Variants in RALYL observed in about 807,000 individuals in gnomAD.
RALYL encodes the protein RALY RNA binding protein like.
In RALYL, 29 loss-of-function variants were observed where a neutral mutation model predicts 35.1. The observed-to-expected ratio is 0.83, with a 90% CI of 0.61 to 1.13. The LOEUF (loss-of-function observed/expected upper bound fraction) is 1.13, where lower values mean the gene tolerates loss of function less well. Among genes scored for constraint, RALYL ranks in the 50% most tolerant of loss-of-function variants. The pLI is 0.00. For synonymous variants in RALYL, 120 were observed against 127.6 expected (o/e 0.94, Z 0.40); for missense variants, 359 against 360.4 (o/e 1.00, Z 0.03).
chr8:84,296,081 TC>T (rs1839690711), intron 1 of RALYL, among the ~76,000 whole-genome samples: 1 of 152,086 alleles, frequency 6.6e-6, no homozygotes, highest in Admixed American at 6.6e-5. Context: ...TTCTGCACCA[TC>T]CTAATAGGTA....
At chr8:84,773,243 C>T (rs1417436667) in intron 2 of RALYL, among the ~76,000 whole-genome samples, 3 of 152,104 alleles carry the variant, frequency 2.0e-5, no homozygotes, top group Non-Finnish European at 2.9e-5. Context: ...TCTTCAAATC[C>T]CTTACTTTCT....
chr8:84,203,013 T>C (rs994999579), intron 1 of RALYL, among the ~76,000 whole-genome samples: 14 of 152,088 alleles, frequency 9.2e-5, no homozygotes, highest in Admixed American at 5.9e-4. Flanking sequence ...CAGTCCCTCA[T>C]GTAGTTGTAA....
chr8:84,487,258 A>G (rs2054745071), intron 1 of RALYL, among the ~76,000 whole-genome samples: 1 of 152,090 alleles, frequency 6.6e-6, no homozygotes, highest in Non-Finnish European at 1.5e-5. Flanking sequence ...TTTTTTCAGA[A>G]AAATAATTTT....
chr8:84,428,104 T>TCACACACACACA (rs769786577), intron 1 of RALYL, among the ~76,000 whole-genome samples: 5 of 131,816 alleles, frequency 3.8e-5, no homozygotes, highest in East Asian at 2.1e-4. Flanking sequence ...TCTCTCTCTC[T>TCACACACACACA]CTCACACACA....
chr8:84,794,796 G>C (rs1053868834), intron 3 of RALYL, among the ~76,000 whole-genome samples: 14 of 152,122 alleles, frequency 9.2e-5, no homozygotes, highest in African/African-American at 2.9e-4. Flanking sequence ...TTGCCAGGAG[G>C]TTCTTTATCC....
At chr8:84,871,531 C>T (rs1284915936) in intron 6 of RALYL, among the ~76,000 whole-genome samples, 1 of 152,062 alleles carries the variant, frequency 6.6e-6, no homozygotes. Context: ...GGAATGAGTA[C>T]CACTCTTCAA....
intron 1 of RALYL, among the ~76,000 whole-genome samples, chr8:84,449,539 G>T (rs2049225120): frequency 6.6e-6 from 1 of 151,906 alleles, no homozygotes; most frequent in Non-Finnish European, 1.5e-5. Context: ...TTCATATAGT[G>T]GTTCCCAATC....
At chr8:84,403,082 T>A (rs182701327) in intron 1 of RALYL, among the ~76,000 whole-genome samples, 1 of 152,180 alleles carries the variant, frequency 6.6e-6, no homozygotes, top group Admixed American at 6.5e-5. Flanking sequence ...GATGGATAGA[T>A]TGCAAAAATT....
chr8:84,700,299 C>T (rs1839956330), intron 2 of RALYL, among the ~76,000 whole-genome samples: 1 of 151,972 alleles, frequency 6.6e-6, no homozygotes, highest in Non-Finnish European at 1.5e-5. Flanking sequence ...CTGTTTAATA[C>T]ATGTAAGTAT....
chr8:84,387,951 G>A (rs137967331), intron 1 of RALYL, among the ~76,000 whole-genome samples: 4,292 of 151,820 alleles, frequency 0.028, 195 homozygotes, highest in African/African-American at 0.098. Flanking sequence ...CCACTAACTC[G>A]TCATCTAGCA....
intron 8 of RALYL, among the ~76,000 whole-genome samples, chr8:84,895,451 A>C (rs923389208): frequency 6.6e-6 from 1 of 151,620 alleles, no homozygotes; most frequent in Admixed American, 6.6e-5. Flanking sequence ...AACTTTGCCA[A>C]GTCTTTCCGT....
At chr8:84,915,074 C>T (rs182902139) in intron 8 of RALYL, among the ~76,000 whole-genome samples, 1 of 152,130 alleles carries the variant, frequency 6.6e-6, no homozygotes, top group East Asian at 1.9e-4. Context: ...ACCTACCTCA[C>T]TGATTTATAA....
At chr8:84,570,292 C>A (rs150805162) in intron 2 of RALYL, among the ~76,000 whole-genome samples, 2 of 151,308 alleles carry the variant, frequency 1.3e-5, no homozygotes, top group African/African-American at 4.8e-5. Context: ...TTGTATGAAT[C>A]TTTCACCTAG....
intron 8 of RALYL, among the ~76,000 whole-genome samples, chr8:84,914,581 A>ACATT (rs10688017): frequency 0.016 from 2,498 of 152,106 alleles, 66 homozygotes; most frequent in African/African-American, 0.056. Flanking sequence ...AATTTTTTGA[A>ACATT]TAATTAAATT....
chr8:84,463,318 T>C (rs897312511), intron 1 of RALYL, among the ~76,000 whole-genome samples: 1 of 152,032 alleles, frequency 6.6e-6, no homozygotes, highest in Admixed American at 6.6e-5. Flanking sequence ...TGTATTAAGC[T>C]TTAAATCACT....
At chr8:84,884,492 CAT>C (rs1842657770) in intron 7 of RALYL, among the ~76,000 whole-genome samples, 1 of 140,580 alleles carries the variant, frequency 7.1e-6, no homozygotes, top group Admixed American at 7.1e-5. Flanking sequence ...ATTATATATA[CAT>C]ATACACACAA....
At chr8:84,895,820 C>T (rs1208296321) in intron 8 of RALYL, among the ~76,000 whole-genome samples, 1 of 152,042 alleles carries the variant, frequency 6.6e-6, no homozygotes, top group African/African-American at 2.4e-5. Context: ...CCTGTATTTT[C>T]TGTTTTATTG....
At chr8:84,509,046 C>G (rs2057398913) in intron 1 of RALYL, among the ~76,000 whole-genome samples, 1 of 151,956 alleles carries the variant, frequency 6.6e-6, no homozygotes, top group Non-Finnish European at 1.5e-5. Context: ...AAAAAATGTA[C>G]AAAGCATGTT....
In RALYL at chr8:84,513,541, A is replaced by C. The variant is rs556717284; in HGVS notation, c.-23-15758A>C. On this transcript the variant is annotated intron_variant, in intron 1 of 8. Coordinates refer to ENST00000521268, the MANE Select transcript of RALYL (RefSeq NM_173848.7). ...GATAAACATGTAATCTCAAGTAAAA[A>C]TTTACACCTTGATTAAGGACTCCAA... is the stretch of plus-strand genomic sequence containing the variant. 2.6e-5 allele frequency among the ~76,000 whole-genome samples: 4 copies of C among 152,276 alleles called. No individual in the cohort carries two copies. In the South Asian group the frequency reaches 6.2e-4, roughly 24 times the overall value.
Sources: gnomAD v4.1 joint callset for allele counts (sites outside exome capture counted in the v4.1 genomes callset) on GRCh38, gnomAD v4.1.1 for gene constraint, MANE v1.5 for transcripts, NCBI Gene and HGNC (gene_info 2026-07-23, HGNC 2026-07-21) for gene names.